SYT9: variants seen among roughly 807,000 people sequenced by gnomAD.
The protein encoded by SYT9 is synaptotagmin-9.
SYT9 carries 22 observed loss-of-function variants against 48.4 expected under a neutral mutation model. That is an observed-to-expected ratio of 0.45 (90% CI 0.32 to 0.65). The LOEUF (loss-of-function observed/expected upper bound fraction) is 0.65, where lower values mean the gene tolerates loss of function less well. Among genes scored for constraint, SYT9 ranks in the 30% least tolerant of loss-of-function variants. The pLI, the probability that SYT9 is intolerant of heterozygous loss-of-function variation, is 0.03. For missense variants in SYT9, 577 were observed against 622.0 expected, an observed-to-expected ratio of 0.93 and a Z score of 0.77; for synonymous variants, 265 against 245.0, an observed-to-expected ratio of 1.08 and a Z score of -0.76.
chr11:7,303,465 T>A, intron 2 of SYT9, 75 bp downstream of exon 2: 2 of 1,275,486 alleles, frequency 1.6e-6, no homozygotes, highest in Non-Finnish European at 2.1e-6. Flanking sequence ...ATAGCACTGA[T>A]AGGTCAAGGA....
chr11:7,409,552 G>A (rs778270629), intron 3 of SYT9, among the ~76,000 whole-genome samples: 4 of 152,010 alleles, frequency 2.6e-5, no homozygotes, highest in African/African-American at 7.2e-5. Context: ...CTTGCTACTC[G>A]TTATTGGTCT....
chr11:7,244,224 T>A lies in SYT9; in HGVS notation c.49+5308T>A, dbSNP rs114867823. Among the ~76,000 whole-genome samples, 1,208 of 152,292 alleles carry A rather than the reference T, an allele frequency of 7.9e-3. 17 individuals are homozygous for A. The highest frequency in any genetic ancestry group is 0.027 in the African/African-American group (1,141 of 41,552). On this transcript the variant is annotated intron_variant and NMD_transcript_variant, in intron 1 of 8. Coordinates refer to the SYT9 transcript ENST00000524820. Reference sequence around the variant, plus strand: ...TCTATTTTCTTTAAAGTGAAAGAAATGGACTTACAACTTTATAATTGTCCA... The same window carrying A: ...TCTATTTTCTTTAAAGTGAAAGAAAAGGACTTACAACTTTATAATTGTCCA...
chr11:7,304,568 A>T (rs1386449205), intron 2 of SYT9, among the ~76,000 whole-genome samples: 1 of 152,172 alleles, frequency 6.6e-6, no homozygotes, highest in African/African-American at 2.4e-5. Flanking sequence ...TAGAGGCTCC[A>T]CTCATTCTCA....
intron 6 of SYT9, among the ~76,000 whole-genome samples, chr11:7,425,725 G>A (rs1276885606): frequency 6.6e-6 from 1 of 152,128 alleles, no homozygotes; most frequent in East Asian, 1.9e-4. Flanking sequence ...TGAAGGAGTG[G>A]CTTATGGGCT....
At chr11:7,302,171 G>GA (rs2133935671) in intron 1 of SYT9, among the ~76,000 whole-genome samples, 1 of 152,290 alleles carries the variant, frequency 6.6e-6, no homozygotes, top group Non-Finnish European at 1.5e-5. Flanking sequence ...TGCCCTTTGA[G>GA]AAATGCCCTC....
intron 1 of SYT9, among the ~76,000 whole-genome samples, chr11:7,300,579 G>A (rs74053704): frequency 0.016 from 2,415 of 152,338 alleles, 71 homozygotes; most frequent in African/African-American, 0.055. Context: ...CTTTGCTGGT[G>A]GTGGTCTCCT....
rs552896979 is a variant in SYT9 at position 7,380,516 on chromosome 11, C to T, written c.1045-35526C>T. 1.2e-4 allele frequency among the ~76,000 whole-genome samples: 18 copies of T among 152,188 alleles called. No individual in the cohort carries two copies. The South Asian group carries it at 3.7e-3, about 32-fold the overall frequency. On this transcript the variant is annotated intron_variant, in intron 3 of 6. Transcript: ENST00000318881. ...CTCATTTTCCATGATGTGCTTATTT[C>T]ACATTGCATTCCTGTATCAAAACCT... is the stretch of plus-strand genomic sequence containing the variant.
intron 3 of SYT9, among the ~76,000 whole-genome samples, chr11:7,347,106 G>C (rs1195463993): frequency 6.6e-6 from 1 of 152,232 alleles, no homozygotes; most frequent in East Asian, 1.9e-4. Flanking sequence ...AAAATGCAGA[G>C]CACAGCCTTC....
intron 3 of SYT9, among the ~76,000 whole-genome samples, chr11:7,378,592 C>T (rs1850498705): frequency 6.6e-6 from 1 of 150,768 alleles, no homozygotes; most frequent in African/African-American, 2.4e-5. Flanking sequence ...GAGGGAGGTG[C>T]ATAGTGCTCC....
intron 3 of SYT9, among the ~76,000 whole-genome samples, chr11:7,320,429 T>A (rs1849317326): frequency 6.6e-6 from 1 of 152,228 alleles, no homozygotes; most frequent in Non-Finnish European, 1.5e-5. Context: ...TGTATTTCTA[T>A]CATTACTCAT....
At chr11:7,290,442 A>G (rs763444951) in intron 1 of SYT9, among the ~76,000 whole-genome samples, 1 of 152,164 alleles carries the variant, frequency 6.6e-6, no homozygotes, top group African/African-American at 2.4e-5. Context: ...CCCAGAACCA[A>G]TGCTCCTTCT....
intron 6 of SYT9, chr11:7,457,469 G>C (rs12279629): frequency 0.31 from 47,467 of 152,112 alleles, 8,935 homozygotes; most frequent in African/African-American, 0.52. Context: ...CTGGCAAAAT[G>C]CCTGGCACAA....
At chr11:7,466,578 A>C (rs113059410) in intron 6 of SYT9, among the ~76,000 whole-genome samples, 1 of 152,072 alleles carries the variant, frequency 6.6e-6, no homozygotes, top group African/African-American at 2.4e-5. Context: ...AAAATTAGCC[A>C]GGTGTGGCGG....
At chr11:7,403,616 T>C (rs976711370) in intron 3 of SYT9, among the ~76,000 whole-genome samples, 1 of 152,166 alleles carries the variant, frequency 6.6e-6, no homozygotes, top group Non-Finnish European at 1.5e-5. Flanking sequence ...TACACTGATA[T>C]TTTTTAGATT....
chr11:7,369,999 C>G (rs1277160266), intron 3 of SYT9, among the ~76,000 whole-genome samples: 3 of 152,106 alleles, frequency 2.0e-5, no homozygotes, highest in African/African-American at 4.8e-5. Context: ...GCACTCATCA[C>G]ACATGCAGTA....
At chr11:7,398,946 G>A (rs1846819811) in intron 3 of SYT9, among the ~76,000 whole-genome samples, 1 of 57,098 alleles carries the variant, frequency 1.8e-5, no homozygotes, top group Non-Finnish European at 5.7e-5. Flanking sequence ...CATGTGTGCA[G>A]GCTAGACACA....
intron 6 of SYT9, among the ~76,000 whole-genome samples, chr11:7,430,205 G>T (rs1847543838): frequency 6.6e-6 from 1 of 152,074 alleles, no homozygotes; most frequent in African/African-American, 2.4e-5. Context: ...GTCATTGGTG[G>T]TAGAATTACA....
chr11:7,407,757 G>C (rs868111061), intron 3 of SYT9, among the ~76,000 whole-genome samples: 3 of 152,126 alleles, frequency 2.0e-5, no homozygotes, highest in Admixed American at 2.0e-4. Context: ...TCTGTATGTG[G>C]ATCTCCAATT....
chr11:7,350,515 A>G (rs767056029), intron 3 of SYT9, among the ~76,000 whole-genome samples: 55 of 152,344 alleles, frequency 3.6e-4, no homozygotes, highest in Non-Finnish European at 6.8e-4. Context: ...CCTGCAGGCC[A>G]CAAGTTTTTA....
Sources: allele counts gnomAD v4.1 joint callset (sites outside exome capture counted in the v4.1 genomes callset), GRCh38; gene constraint gnomAD v4.1.1; transcripts MANE v1.5; gene names NCBI Gene and HGNC (gene_info 2026-07-23, HGNC 2026-07-21).